The following SLC2A9 variants were observed in gnomAD, a reference collection of about 807,000 sequenced individuals.
SLC2A9 encodes solute carrier family 2, facilitated glucose transporter member 9.
In SLC2A9, 39 loss-of-function variants were observed where a neutral mutation model predicts 50.6. The observed-to-expected ratio is 0.77, with a 90% CI of 0.60 to 1.01. The LOEUF (loss-of-function observed/expected upper bound fraction) is 1.01. Among genes scored for constraint, SLC2A9 ranks in the 50% least tolerant of loss-of-function variants. The probability of loss-of-function intolerance (pLI) is 0.00; values close to 1 mark genes in which losing one functional copy is unlikely to be tolerated. For synonymous variants in SLC2A9, 324 were observed against 276.9 expected (o/e 1.17, Z -1.69); for missense variants, 686 against 677.6 (o/e 1.01, Z -0.14).
chr4:10,033,734 C>T (rs1407485856), intron 1 of SLC2A9, among the ~76,000 whole-genome samples: 1 of 152,208 alleles, frequency 6.6e-6, no homozygotes, highest in Non-Finnish European at 1.5e-5. Context: ...CTGCAGCTGC[C>T]TGGCCGACCT....
At position 9,782,833 on chromosome 4, in the gene SLC2A9, C is replaced by A. The variant is rs73805846; in HGVS notation, n.386-2768G>T. On this transcript the variant is annotated intron_variant and non_coding_transcript_variant, in intron 3 of 3. Transcript: ENST00000503803. ...CCTCCCTGGAGAGGGCCGCAGAGCACGCGCAGAGCTGCCGGAGCAGCGCAG... is the reference window on the plus strand; with the variant it reads ...CCTCCCTGGAGAGGGCCGCAGAGCAAGCGCAGAGCTGCCGGAGCAGCGCAG... The A allele has an allele frequency of 1.3e-5, 21 of 1,612,960 alleles. No homozygotes were observed. In the South Asian group the frequency reaches 1.6e-4, roughly 13 times the overall value.
chr4:9,885,952 T>C (rs1199522521), intron 10 of SLC2A9, among the ~76,000 whole-genome samples: 4 of 152,224 alleles, frequency 2.6e-5, no homozygotes, highest in Non-Finnish European at 5.9e-5. Flanking sequence ...AATCTTCCCA[T>C]GTCTGCATTA....
chr4:10,032,832 G>C (rs963170548), intron 1 of SLC2A9, among the ~76,000 whole-genome samples: 1 of 152,150 alleles, frequency 6.6e-6, no homozygotes, highest in Non-Finnish European at 1.5e-5. Context: ...GTGAAATTTG[G>C]CTTCAATGGC....
At chr4:9,874,933 C>T (rs1233577364) in intron 10 of SLC2A9, among the ~76,000 whole-genome samples, 1 of 144,850 alleles carries the variant, frequency 6.9e-6, no homozygotes, top group African/African-American at 2.6e-5. Context: ...TTAGAAATGG[C>T]CATAGGTTAG....
chr4:9,887,510 A>G (rs1736496505), intron 10 of SLC2A9, 57 bp downstream of exon 10: 5 of 1,502,666 alleles, frequency 3.3e-6, no homozygotes, highest in Non-Finnish European at 4.5e-6. Context: ...AGAGCCCCCC[A>G]GCTTGGTGAT....
intron 9 of SLC2A9, among the ~76,000 whole-genome samples, chr4:9,890,002 T>C (rs1486358676): frequency 6.6e-6 from 1 of 152,216 alleles, no homozygotes; most frequent in Admixed American, 6.5e-5. Context: ...CCCTCCTCCT[T>C]CATGGACATC....
intron 7 of SLC2A9, among the ~76,000 whole-genome samples, chr4:9,919,765 C>A (rs780239033): frequency 5.9e-5 from 9 of 152,234 alleles, no homozygotes; most frequent in Non-Finnish European, 1.3e-4. Context: ...AGGCAACCCA[C>A]TCCATTTGTC....
At position 9,786,235 on chromosome 4, in the gene SLC2A9, T is replaced by C. The variant is rs141794302; in HGVS notation, n.386-6170A>G. ...TCGCTGCCCTGTGAGGTAAGCACTT[T>C]TATTACCCCATTTTACAGATAAGGA... On this transcript the variant is annotated intron_variant and non_coding_transcript_variant, in intron 3 of 3. Coordinates refer to the SLC2A9 transcript ENST00000503803. Among the ~76,000 whole-genome samples, 1,337 of 152,324 alleles carry C rather than the reference T, an allele frequency of 8.8e-3. 22 individuals carry two copies. The highest frequency in any genetic ancestry group is 0.029 in the African/African-American group (1,195 of 41,550).
chr4:9,892,819 T>C (rs953445704), intron 8 of SLC2A9, among the ~76,000 whole-genome samples: 4 of 152,180 alleles, frequency 2.6e-5, no homozygotes, highest in Non-Finnish European at 5.9e-5. Flanking sequence ...AACCCTTCCA[T>C]GTCTTAATTT....
intron 10 of SLC2A9, among the ~76,000 whole-genome samples, chr4:9,868,576 G>C (rs1180581146): frequency 1.3e-5 from 2 of 152,170 alleles, no homozygotes; most frequent in Non-Finnish European, 2.9e-5. Context: ...AGTCCCTAGA[G>C]TCCTCTGCAC....
intron 3 of SLC2A9, among the ~76,000 whole-genome samples, chr4:9,790,910 C>G (rs1719836763): frequency 6.6e-6 from 1 of 152,194 alleles, no homozygotes; most frequent in Non-Finnish European, 1.5e-5. Context: ...TAAATGGGCT[C>G]TTATTAACAA....
At chr4:9,792,137 C>A (rs1435108262) in intron 3 of SLC2A9, among the ~76,000 whole-genome samples, 4 of 149,012 alleles carry the variant, frequency 2.7e-5, no homozygotes, top group African/African-American at 9.9e-5. Context: ...GGATACAAAC[C>A]AGGAGATGTT....
upstream of SLC2A9, among the ~76,000 whole-genome samples, chr4:10,023,929 G>A (rs1763670159): frequency 6.6e-6 from 1 of 152,216 alleles, no homozygotes. Context: ...TATCACAGAT[G>A]AAGTCATAAG....
chr4:9,791,028 A>G (rs1285712330), intron 3 of SLC2A9, among the ~76,000 whole-genome samples: 1 of 152,224 alleles, frequency 6.6e-6, no homozygotes, highest in Non-Finnish European at 1.5e-5. Flanking sequence ...GATGGTCTAA[A>G]TAGCTAAACT....
At chr4:9,772,859 C>T (rs1577226490) in intron 1 of SLC2A9, among the ~76,000 whole-genome samples, 3 of 149,738 alleles carry the variant, frequency 2.0e-5, no homozygotes, top group African/African-American at 7.4e-5. Flanking sequence ...TTTTAGGGTA[C>T]ATGTGCACAT....
At chr4:9,956,931 G>A (rs1751407459) in intron 5 of SLC2A9, among the ~76,000 whole-genome samples, 1 of 152,110 alleles carries the variant, frequency 6.6e-6, no homozygotes, top group Admixed American at 6.6e-5. Flanking sequence ...TTTAGAAGAT[G>A]GAATAGCAAA....
At chr4:9,908,175 T>C (rs1316893195) in intron 8 of SLC2A9, 60 bp downstream of exon 8, 1 of 1,139,978 alleles carries the variant, frequency 8.8e-7, no homozygotes, top group African/African-American at 1.5e-5. Context: ...CTTATGAACA[T>C]TCCCACTGTG....
chr4:10,014,802 A>T (rs12641340), intron 2 of SLC2A9, among the ~76,000 whole-genome samples: 13,681 of 152,176 alleles, frequency 0.09, 1,163 homozygotes, highest in East Asian at 0.46. Context: ...CAGATACAGC[A>T]AGGTCAACAC....
rs563631947 is a variant in SLC2A9 at position 10,002,922 on chromosome 4, C to T, written c.250-5981G>A. Among the ~76,000 whole-genome samples the T allele has an allele frequency of 2.6e-5, 4 of 152,274 alleles. No individual in the cohort carries two copies. In the East Asian group the frequency reaches 7.7e-4, roughly 29 times the overall value. ...TGCTTGGGCTGGATACTCCGTCAGA[C>T]CGTGGTGAATACAGCAGCAACCACC... is the stretch of plus-strand genomic sequence containing the variant. On this transcript the variant is annotated intron_variant, in intron 2 of 11. Transcript: ENST00000264784.
Sources: allele counts gnomAD v4.1 joint callset (sites outside exome capture counted in the v4.1 genomes callset), GRCh38; gene constraint gnomAD v4.1.1; transcripts MANE v1.5; gene names NCBI Gene and HGNC (gene_info 2026-07-23, HGNC 2026-07-21).